Variants in ITFG1 observed in about 807,000 individuals in gnomAD.
The protein encoded by ITFG1 is T-cell immunomodulatory protein.
Under a neutral mutation model 81.8 loss-of-function variants are expected in ITFG1, and 34 were observed. The observed-to-expected ratio is 0.42, with a 90% CI of 0.32 to 0.55. ITFG1 has a LOEUF of 0.55. ITFG1 is among the 20% of genes least tolerant of loss of function. The pLI is 0.17. For synonymous variants in ITFG1, 285 were observed against 270.6 expected, an observed-to-expected ratio of 1.05 and a Z score of -0.52; for missense variants, 672 against 755.4, an observed-to-expected ratio of 0.89 and a Z score of 1.29.
At chr16:47,373,069 T>G (rs902239871) in intron 7 of ITFG1, among the ~76,000 whole-genome samples, 4 of 152,208 alleles carry the variant, frequency 2.6e-5, no homozygotes, top group African/African-American at 9.7e-5. Context: ...TTACTTAGTT[T>G]AGAGATCAAA....
rs563415457 is a variant in ITFG1, at chr16:47,161,304, A to G, written c.1661+446T>C. ...TGGAGAGGACAAAGGACTGGCTCCT[A>G]CTCTTGCAGTCAGCCAGCAATGGAG... is the stretch of plus-strand genomic sequence containing the variant. On this transcript the variant is annotated intron_variant, in intron 16 of 17. Coordinates refer to ENST00000320640, the MANE Select transcript of ITFG1 (RefSeq NM_030790.5). Among the ~76,000 whole-genome samples the G allele has an allele frequency of 6.6e-5, 10 of 152,256 alleles. No homozygotes were observed. The East Asian group carries it at 1.9e-3, about 29-fold the overall frequency.
intron 14 of ITFG1, among the ~76,000 whole-genome samples, chr16:47,171,239 C>T (rs1331531089): frequency 2.0e-5 from 3 of 151,974 alleles, no homozygotes; most frequent in Non-Finnish European, 4.4e-5. Context: ...AACTCCTGGC[C>T]TCAAGCATTC....
chr16:47,365,764 T>C (rs1028195973), intron 8 of ITFG1, 24 bp downstream of exon 8: 3 of 1,405,508 alleles, frequency 2.1e-6, no homozygotes, highest in African/African-American at 2.9e-5. Context: ...AAAGCCTTTT[T>C]TTTTTTTTTT....
At chr16:47,247,938 C>T (rs185906242) in intron 12 of ITFG1, among the ~76,000 whole-genome samples, 1 of 152,230 alleles carries the variant, frequency 6.6e-6, no homozygotes, top group Admixed American at 6.5e-5. Context: ...ATGGATGATG[C>T]ATCCTCTCAA....
chr16:47,178,090 C>T (rs1965052679), intron 14 of ITFG1, among the ~76,000 whole-genome samples: 2 of 152,146 alleles, frequency 1.3e-5, no homozygotes, highest in Admixed American at 6.5e-5. Flanking sequence ...GCTATAGTCA[C>T]CTGACATTTA....
At chr16:47,291,850 G>A (rs934015026) in intron 10 of ITFG1, among the ~76,000 whole-genome samples, 6 of 151,776 alleles carry the variant, frequency 4.0e-5, no homozygotes, top group Admixed American at 1.3e-4. Flanking sequence ...TCTAAGTCTC[G>A]TATTGTTTTT....
In ITFG1 at chr16:47,337,460, C is replaced by T. The variant is rs186800199; in HGVS notation, c.803-23637G>A. On this transcript the variant is annotated intron_variant, in intron 8 of 17. Transcript: ENST00000320640. ...TGGTGGGAACCTATAATCCCAGCTA[C>T]TGGGGAGGCTGAAGCAGGAGAATCA... Among the ~76,000 whole-genome samples, 1,240 of 152,196 alleles carry T rather than the reference C, an allele frequency of 8.1e-3. 16 individuals are homozygous for T. Among genetic ancestry groups the T allele is most frequent in the African/African-American group, 0.029 (1,203 of 41,524 alleles).
chr16:47,162,237 T>C (rs1182130777), intron 15 of ITFG1, among the ~76,000 whole-genome samples: 1 of 151,838 alleles, frequency 6.6e-6, no homozygotes, highest in African/African-American at 2.4e-5. Context: ...TTTATGTTAC[T>C]AAAATATTTA....
At chr16:47,244,449 AG>A (rs1965973438) in intron 12 of ITFG1, among the ~76,000 whole-genome samples, 1 of 152,090 alleles carries the variant, frequency 6.6e-6, no homozygotes, top group African/African-American at 2.4e-5. Flanking sequence ...TGGTGTACGG[AG>A]GGGGAAGGCA....
chr16:47,413,808 T>C (rs1968840213), intron 6 of ITFG1, among the ~76,000 whole-genome samples: 1 of 152,168 alleles, frequency 6.6e-6, no homozygotes, highest in Admixed American at 6.5e-5. Context: ...GACTGTCTAA[T>C]ACTCCTAGGA....
At chr16:47,427,885 C>T (rs1969043973) in intron 6 of ITFG1, among the ~76,000 whole-genome samples, 2 of 152,166 alleles carry the variant, frequency 1.3e-5, no homozygotes, top group African/African-American at 4.8e-5. Context: ...GGTAATCCCA[C>T]CATTTTGGGA....
intron 8 of ITFG1, among the ~76,000 whole-genome samples, chr16:47,327,978 T>A (rs878940633): frequency 2.0e-5 from 3 of 152,196 alleles, no homozygotes; most frequent in African/African-American, 7.2e-5. Flanking sequence ...ACTGGCTATA[T>A]ACCCAAAGGA....
chr16:47,251,660 G>C (rs1165206399), intron 12 of ITFG1, among the ~76,000 whole-genome samples: 1 of 152,212 alleles, frequency 6.6e-6, no homozygotes, highest in Non-Finnish European at 1.5e-5. Context: ...CATGTTCCAA[G>C]AGCACCAGTG....
rs574056111 is a variant in ITFG1, at chr16:47,198,973, T to C, written c.1453+19895A>G. On this transcript the variant is annotated intron_variant, in intron 14 of 17. Coordinates refer to ENST00000320640, the MANE Select transcript of ITFG1 (RefSeq NM_030790.5). ...ATTTATTATTGAAGAAAAATATTTT[T>C]TAAAACAAATTTAGTGTAGGCTGGA... Among the ~76,000 whole-genome samples, 87 of 152,286 alleles carry C rather than the reference T, an allele frequency of 5.7e-4. 1 individual carries two copies. Among genetic ancestry groups the C allele is most frequent in the Non-Finnish European group, 9.8e-4 (67 of 68,030 alleles).
intron 10 of ITFG1, among the ~76,000 whole-genome samples, chr16:47,281,846 T>C (rs1966454725): frequency 6.6e-6 from 1 of 152,078 alleles, no homozygotes; most frequent in Admixed American, 6.6e-5. Flanking sequence ...GCCTTTGTTA[T>C]TTTTCTGTTT....
chr16:47,260,189 G>A (rs902742389), intron 11 of ITFG1, among the ~76,000 whole-genome samples: 3 of 151,766 alleles, frequency 2.0e-5, no homozygotes, highest in South Asian at 2.1e-4. Context: ...CGCCTGCCTC[G>A]GCCTCCCAAA....
At chr16:47,446,813 A>C (rs1969329946) in intron 5 of ITFG1, among the ~76,000 whole-genome samples, 1 of 152,164 alleles carries the variant, frequency 6.6e-6, no homozygotes, top group Non-Finnish European at 1.5e-5. Context: ...AATAGATACT[A>C]ATCTTACTCA....
chr16:47,224,300 T>C (rs1567428492), intron 13 of ITFG1, among the ~76,000 whole-genome samples: 2 of 152,232 alleles, frequency 1.3e-5, no homozygotes, highest in African/African-American at 4.8e-5. Flanking sequence ...CTGGGGTTAA[T>C]GAGAGGTTGA....
intron 5 of ITFG1, among the ~76,000 whole-genome samples, chr16:47,436,130 A>G (rs1336990549): frequency 1.3e-5 from 2 of 152,160 alleles, no homozygotes. Context: ...ATCATGATGT[A>G]AAATGATTTT....
Sources: gnomAD v4.1 joint callset for allele counts (sites outside exome capture counted in the v4.1 genomes callset) on GRCh38, gnomAD v4.1.1 for gene constraint, MANE v1.5 for transcripts, NCBI Gene and HGNC (gene_info 2026-07-23, HGNC 2026-07-21) for gene names.